CCDC134: variants seen among roughly 807,000 people sequenced by gnomAD.
CCDC134 encodes coiled-coil domain-containing protein 134.
Under a neutral mutation model 25.6 loss-of-function variants are expected in CCDC134, and 27 were observed. The observed-to-expected ratio is 1.05, with a 90% CI of 0.78 to 1.45. CCDC134 has a LOEUF of 1.45. Ranked by LOEUF, CCDC134 falls within the 40% of genes most tolerant of loss-of-function variation. The pLI, the probability that CCDC134 is intolerant of heterozygous loss-of-function variation, is 0.00. For synonymous variants in CCDC134, 110 were observed against 115.0 expected (o/e 0.96, Z 0.28); for missense variants, 261 against 286.7 (o/e 0.91, Z 0.65).
chr22:41,800,945 GC>G (rs2076538793), intron 1 of CCDC134, among the ~76,000 whole-genome samples, 179 bp downstream of exon 1: 1 of 152,182 alleles, frequency 6.6e-6, no homozygotes, highest in African/African-American at 2.4e-5. Flanking sequence ...AACCACCTGG[GC>G]CCCCGACCCC....
At chr22:41,805,675 A>G (rs1387038991) in intron 1 of CCDC134, among the ~76,000 whole-genome samples, 2 of 152,210 alleles carry the variant, frequency 1.3e-5, no homozygotes, top group African/African-American at 4.8e-5. Flanking sequence ...CATGCCTGTA[A>G]TCTCAGCACT....
intron 4 of CCDC134, among the ~76,000 whole-genome samples, chr22:41,811,406 G>A (rs143421855): frequency 4.6e-5 from 7 of 152,224 alleles, no homozygotes; most frequent in East Asian, 1.9e-4. Flanking sequence ...TTTTGCAGAC[G>A]ACAATGCTTG....
intron 6 of CCDC134, among the ~76,000 whole-genome samples, chr22:41,820,875 G>T (rs2076648579): frequency 6.6e-6 from 1 of 152,166 alleles, no homozygotes; most frequent in South Asian, 2.1e-4. Flanking sequence ...AAATGTGAGA[G>T]CCATGCCTAT....
chr22:41,802,724 C>T (rs1473314746), intron 1 of CCDC134, among the ~76,000 whole-genome samples: 1 of 151,888 alleles, frequency 6.6e-6, no homozygotes, highest in Non-Finnish European at 1.5e-5. Flanking sequence ...ACCATCCTGG[C>T]TAACACGGTG....
chr22:41,819,963 T>TTATATA (rs34213936), intron 6 of CCDC134, among the ~76,000 whole-genome samples: 3,884 of 82,202 alleles, frequency 0.047, 96 homozygotes, highest in Non-Finnish European at 0.054. Flanking sequence ...ACTTACCACT[T>TTATATA]TATATATATA....
Position 41,814,224 on chromosome 22 carries a change from C to G in CCDC134, c.564+402C>G, listed in dbSNP as rs575270309. 2.6e-5 allele frequency among the ~76,000 whole-genome samples: 4 copies of G among 152,214 alleles called. No homozygotes were observed. In the South Asian group the frequency reaches 8.3e-4, roughly 32 times the overall value. On this transcript the variant is annotated intron_variant, in intron 6 of 6. Transcript: ENST00000255784. ...GTACATGCTCTCATTCCAGGGGTTC[C>G]AGGGGGCTGAGGTGGGCTTTGAGAG... is the stretch of plus-strand genomic sequence containing the variant.
At chr22:41,820,149 C>T (rs2076643958) in intron 6 of CCDC134, among the ~76,000 whole-genome samples, 1 of 148,608 alleles carries the variant, frequency 6.7e-6, no homozygotes, top group Non-Finnish European at 1.5e-5. Flanking sequence ...GCACCCACCA[C>T]CACGCCCGGC....
At position 41,829,344 on chromosome 22, in the gene CCDC134, C is replaced by A. The variant is rs185177671; in HGVS notation, c.*3521C>A. On this transcript the variant is annotated 3_prime_UTR_variant, in exon 7 of 7. Coordinates refer to ENST00000255784, the MANE Select transcript of CCDC134 (RefSeq NM_024821.5). ...TTCCGGATTCTTCTTTCCTCACCTGCCCCCGTTTGCATGAAGTTTTTTATG... is the reference window on the plus strand; with the variant it reads ...TTCCGGATTCTTCTTTCCTCACCTGACCCCGTTTGCATGAAGTTTTTTATG... 2.4e-4 allele frequency among the ~76,000 whole-genome samples: 37 copies of A among 152,310 alleles called. 1 individual carries two copies. The highest frequency in any genetic ancestry group is 2.3e-3 in the East Asian group (12 of 5,190).
chr22:41,817,437 G>A (rs995362150), intron 6 of CCDC134, among the ~76,000 whole-genome samples: 2 of 152,086 alleles, frequency 1.3e-5, no homozygotes, highest in African/African-American at 4.8e-5. Flanking sequence ...CTAAAGAGGG[G>A]TGAGGGGTAG....
Position 41,813,805 on chromosome 22 carries a change from A to G in CCDC134, c.547A>G (p.Lys183Glu). The G allele has an allele frequency of 6.2e-7, 1 of 1,614,196 alleles. No homozygotes were observed. The highest frequency in any genetic ancestry group is 8.5e-7 in the Non-Finnish European group (1 of 1,180,004). The change falls in exon 6 of 7, where the codon AAA becomes GAA. Residue 183 changes from lysine (K) to glutamate (E), a missense_variant. Lys to Glu is a moderately conservative substitution (Grantham distance 56). Transcript: ENST00000255784. ...EKDSNFQNPF[K>E]IDRTEFIPST... ...AGACTCCAACTTCCAGAACCCATTT[A>G]AAATCGACCGCACAGAGGTGAGCTG...
At chr22:41,801,803 A>G (rs1465300864) in intron 1 of CCDC134, among the ~76,000 whole-genome samples, 1 of 152,156 alleles carries the variant, frequency 6.6e-6, no homozygotes, top group East Asian at 1.9e-4. Context: ...GAGAGACTCT[A>G]AAAAAATGAT....
intron 4 of CCDC134, 150 bp downstream of exon 4, chr22:41,810,441 C>T: frequency 8.6e-6 from 4 of 462,972 alleles, no homozygotes; most frequent in South Asian, 5.5e-5. Flanking sequence ...ATGGGCGTTT[C>T]GTGAGTGGCC....
Position 41,825,910 on chromosome 22 carries a change from C to T in CCDC134, c.*87C>T. On this transcript the variant is annotated 3_prime_UTR_variant, in exon 7 of 7. Transcript: ENST00000255784. The surrounding 1 kb of genome is among the most constrained non-coding windows in gnomAD (Gnocchi z 4.4). ...GAGGTGTGGTTGTGGTGGAGAGCAC[C>T]AGCTAGCCCCTTCCAGAAGGGGAGG... 6.5e-7 allele frequency: 1 copy of T among 1,543,652 alleles called. No individual in the cohort carries two copies. Among genetic ancestry groups the T allele is most frequent in the Non-Finnish European group, 8.8e-7 (1 of 1,139,178 alleles).
intron 1 of CCDC134, among the ~76,000 whole-genome samples, chr22:41,801,623 C>T (rs1446439054): frequency 3.9e-5 from 6 of 152,140 alleles, no homozygotes; most frequent in Middle Eastern, 3.4e-3. Flanking sequence ...TGTACCTGAC[C>T]GACACCCTCT....
chr22:41,824,878 G>A (rs762408602), intron 6 of CCDC134, among the ~76,000 whole-genome samples: 3 of 152,206 alleles, frequency 2.0e-5, no homozygotes, highest in Non-Finnish European at 2.9e-5. Context: ...GAGAGATGGG[G>A]GTGGTGATGG....
chr22:41,817,058 A>G (rs1056291564), intron 6 of CCDC134, among the ~76,000 whole-genome samples: 3 of 152,212 alleles, frequency 2.0e-5, no homozygotes, highest in Non-Finnish European at 4.4e-5. Flanking sequence ...TTACAGATGT[A>G]TAGAGACCTG....
At position 41,826,090 on chromosome 22, in the gene CCDC134, C is replaced by T; in HGVS notation, c.*267C>T. 2 of 315,794 alleles carry T rather than the reference C, an allele frequency of 6.3e-6. No individual in the cohort carries two copies. Among genetic ancestry groups the T allele is most frequent in the Admixed American group, 4.3e-5 (1 of 23,500 alleles). 19.6% of individuals were successfully genotyped at this position (315,794 alleles called of 1,614,324 possible). On this transcript the variant is annotated 3_prime_UTR_variant, in exon 7 of 7. Coordinates refer to ENST00000255784, the MANE Select transcript of CCDC134 (RefSeq NM_024821.5). ...ACCCTGTGCAGACTGCTGGGGGAGGCAGGAGGATGCCTGCCTGGACCCTGT... is the reference window on the plus strand; with the variant it reads ...ACCCTGTGCAGACTGCTGGGGGAGGTAGGAGGATGCCTGCCTGGACCCTGT...
Position 41,804,558 on chromosome 22 carries a change from A to G in CCDC134, c.-17+3792A>G, listed in dbSNP as rs149777767. 2.0e-3 allele frequency among the ~76,000 whole-genome samples: 300 copies of G among 152,338 alleles called. 1 individual carries two copies. Among genetic ancestry groups the G allele is most frequent in the African/African-American group, 6.9e-3 (286 of 41,578 alleles). On this transcript the variant is annotated intron_variant, in intron 1 of 6. Coordinates refer to ENST00000255784, the MANE Select transcript of CCDC134 (RefSeq NM_024821.5). ...TTTACAGTGATCACATAGGAATAAC[A>G]GATTTAAAAACCATTTAAGGCTAGG...
At chr22:41,808,448 C>T (rs1047502895) in intron 1 of CCDC134, among the ~76,000 whole-genome samples, 11 of 152,072 alleles carry the variant, frequency 7.2e-5, no homozygotes, top group African/African-American at 1.7e-4. Flanking sequence ...ATACTGTTGA[C>T]GAGCCCCTCC....
Sources: allele counts gnomAD v4.1 joint callset (sites outside exome capture counted in the v4.1 genomes callset), GRCh38; gene constraint gnomAD v4.1.1; non-coding constraint Gnocchi (gnomAD v3.1); transcripts MANE v1.5; gene names NCBI Gene and HGNC (gene_info 2026-07-23, HGNC 2026-07-21).